PPP1R1C: variants seen among roughly 807,000 people sequenced by gnomAD.
The protein encoded by PPP1R1C is protein phosphatase 1 regulatory inhibitor subunit 1C.
In PPP1R1C, 15 loss-of-function variants were observed where a neutral mutation model predicts 17.4. That is an observed-to-expected ratio of 0.86 (90% CI 0.58 to 1.33). The LOEUF (loss-of-function observed/expected upper bound fraction) is 1.33. Among genes scored for constraint, PPP1R1C ranks in the 40% most tolerant of loss-of-function variants. PPP1R1C has a pLI of 0.00. For missense variants in PPP1R1C, 143 were observed against 130.0 expected (o/e 1.10, Z -0.48); for synonymous variants, 35 against 43.1 (o/e 0.81, Z 0.73).
chr2:182,088,189 G>C (rs547250193), intron 4 of PPP1R1C, among the ~76,000 whole-genome samples: 1 of 152,102 alleles, frequency 6.6e-6, no homozygotes, highest in South Asian at 2.1e-4. Context: ...AAAGATTTAC[G>C]GGTAGATCTC....
intron 4 of PPP1R1C, among the ~76,000 whole-genome samples, chr2:182,067,786 G>A (rs1323162121): frequency 1.3e-5 from 2 of 152,168 alleles, no homozygotes; most frequent in African/African-American, 4.8e-5. Context: ...ATCCGCAGTG[G>A]GAAGGGTAAA....
intron 5 of PPP1R1C, among the ~76,000 whole-genome samples, chr2:182,123,321 G>A (rs555951302): frequency 1.1e-4 from 17 of 152,222 alleles, no homozygotes; most frequent in South Asian, 4.2e-4. Context: ...ATACGTGTGC[G>A]TGTGTCTTTA....
At chr2:182,124,202 C>T (rs989665924) in intron 5 of PPP1R1C, among the ~76,000 whole-genome samples, 1 of 151,750 alleles carries the variant, frequency 6.6e-6, no homozygotes, top group Non-Finnish European at 1.5e-5. Flanking sequence ...CTGTTCTGTT[C>T]CCTTGGTCTA....
At chr2:182,025,110 A>C (rs1304285927) in intron 2 of PPP1R1C, among the ~76,000 whole-genome samples, 1 of 150,470 alleles carries the variant, frequency 6.6e-6, no homozygotes. Context: ...ACTCTTTATA[A>C]GGCAATTATT....
chr2:182,012,993 T>C (rs954133283), intron 2 of PPP1R1C, among the ~76,000 whole-genome samples: 2 of 152,110 alleles, frequency 1.3e-5, no homozygotes, highest in African/African-American at 2.4e-5. Context: ...TATTTAAAAA[T>C]TGTTGTAATT....
intron 5 of PPP1R1C, among the ~76,000 whole-genome samples, chr2:182,123,472 A>G (rs1028735186): frequency 3.3e-4 from 50 of 152,100 alleles, no homozygotes; most frequent in African/African-American, 1.2e-3. Flanking sequence ...CCCACCAACA[A>G]TGTAAAAGTG....
chr2:182,008,481 A>T (rs1428977505), intron 2 of PPP1R1C, among the ~76,000 whole-genome samples: 1 of 152,208 alleles, frequency 6.6e-6, no homozygotes, highest in Non-Finnish European at 1.5e-5. Context: ...CCATCGAAGG[A>T]TCCTACAAAA....
chr2:181,988,628 G>C lies in PPP1R1C; in HGVS notation c.142+729G>C, dbSNP rs565469486. ...AGGTCATGACATTAATTTGCAACCAGGCAGAACTTGGTGTTGGATTTTTTT... is the reference window on the plus strand; with the variant it reads ...AGGTCATGACATTAATTTGCAACCACGCAGAACTTGGTGTTGGATTTTTTT... On this transcript the variant is annotated intron_variant, in intron 2 of 4. Transcript: ENST00000682840. Among the ~76,000 whole-genome samples, 31 of 152,316 alleles carry C rather than the reference G, an allele frequency of 2.0e-4. 1 individual carries two copies. The highest frequency in any genetic ancestry group is 6.7e-4 in the African/African-American group (28 of 41,562).
At chr2:182,126,154 A>G (rs1029398131) in intron 5 of PPP1R1C, among the ~76,000 whole-genome samples, 2 of 152,084 alleles carry the variant, frequency 1.3e-5, no homozygotes, top group Non-Finnish European at 2.9e-5. Flanking sequence ...AATAAACCAT[A>G]TATATTGTAT....
chr2:182,089,350 A>G (rs1688718500), intron 4 of PPP1R1C, among the ~76,000 whole-genome samples: 1 of 152,200 alleles, frequency 6.6e-6, no homozygotes, highest in Non-Finnish European at 1.5e-5. Context: ...TAGAAGGAAG[A>G]GATTAATTCT....
At chr2:181,995,312 G>A (rs1299512119) in intron 2 of PPP1R1C, among the ~76,000 whole-genome samples, 2 of 152,180 alleles carry the variant, frequency 1.3e-5, no homozygotes, top group African/African-American at 4.8e-5. Context: ...ATACTTAAGA[G>A]TAGAGGCTTT....
At chr2:182,128,748 A>G (rs548726626) in intron 5 of PPP1R1C, among the ~76,000 whole-genome samples, 3 of 152,228 alleles carry the variant, frequency 2.0e-5, no homozygotes, top group South Asian at 4.1e-4. Flanking sequence ...AGTGACGATC[A>G]GTTTTTTTGC....
chr2:182,129,124 T>C (rs1559104846), exon 6 of PPP1R1C: 1 of 152,158 alleles, frequency 6.6e-6, no homozygotes. Flanking sequence ...TGAAGCACTT[T>C]AGATATTTTA....
rs1684818399 is a variant in PPP1R1C, at chr2:181,962,502, G to C, written n.111+7868G>C. On this transcript the variant is annotated intron_variant and non_coding_transcript_variant, in intron 1 of 5. Coordinates refer to the PPP1R1C transcript ENST00000464264. The surrounding 1 kb of genome is among the most constrained non-coding windows in gnomAD (Gnocchi z 6.0). ...ATGCTATCCAGGGAGGAGAGTGAGAGGACAGGACTCAGGCTTTGCCGACCC... is the reference window on the plus strand; with the variant it reads ...ATGCTATCCAGGGAGGAGAGTGAGACGACAGGACTCAGGCTTTGCCGACCC... 1.5e-6 allele frequency: 1 copy of C among 669,818 alleles called. No homozygotes were observed. The highest frequency in any genetic ancestry group is 2.8e-6 in the Non-Finnish European group (1 of 360,782). 41.5% of individuals were successfully genotyped at this position (669,818 alleles called of 1,614,324 possible).
At chr2:182,096,507 C>T (rs1688942300) in intron 4 of PPP1R1C, among the ~76,000 whole-genome samples, 1 of 152,152 alleles carries the variant, frequency 6.6e-6, no homozygotes, top group Admixed American at 6.5e-5. Flanking sequence ...TAATCAGGCC[C>T]TACATGATCT....
intron 4 of PPP1R1C, among the ~76,000 whole-genome samples, chr2:182,092,944 G>A (rs185348901): frequency 1.2e-4 from 18 of 152,242 alleles, no homozygotes; most frequent in African/African-American, 4.3e-4. Context: ...ACCATTCTGG[G>A]GTCTGAAGGA....
At chr2:182,017,106 T>C (rs1219960971) in intron 2 of PPP1R1C, among the ~76,000 whole-genome samples, 1 of 152,180 alleles carries the variant, frequency 6.6e-6, no homozygotes, top group Non-Finnish European at 1.5e-5. Context: ...CTTTATAAGT[T>C]TCTTCTAACA....
intron 2 of PPP1R1C, among the ~76,000 whole-genome samples, chr2:182,040,880 T>G (rs1294125199): frequency 6.6e-6 from 1 of 152,164 alleles, no homozygotes; most frequent in Non-Finnish European, 1.5e-5. Flanking sequence ...GCTTGCCAGT[T>G]TTCCTAGCAC....
chr2:182,013,220 G>T (rs1686145779), intron 2 of PPP1R1C, among the ~76,000 whole-genome samples: 1 of 152,070 alleles, frequency 6.6e-6, no homozygotes, highest in Admixed American at 6.5e-5. Flanking sequence ...ATTTGGTGTT[G>T]TTGAGATCTG....
Sources: gnomAD v4.1 joint callset for allele counts (sites outside exome capture counted in the v4.1 genomes callset) on GRCh38, gnomAD v4.1.1 for gene constraint, Gnocchi (gnomAD v3.1) non-coding constraint, MANE v1.5 for transcripts, NCBI Gene and HGNC (gene_info 2026-07-23, HGNC 2026-07-21) for gene names.